Variants in CLMP observed in about 807,000 individuals in gnomAD.
CLMP encodes the protein CXADR-like membrane protein.
In CLMP, 27 loss-of-function variants were observed where a neutral mutation model predicts 45.2. The ratio of observed to expected loss-of-function variants is 0.60; its 90% CI spans 0.44 to 0.82. The LOEUF is 0.82. CLMP is among the 40% of genes least tolerant of loss of function. The pLI is 0.00. For missense variants in CLMP, 403 were observed against 448.4 expected (o/e 0.90, Z 0.91); for synonymous variants, 167 against 171.4 (o/e 0.97, Z 0.20).
At position 123,181,707 on chromosome 11, in the gene CLMP, T is replaced by A. The variant is rs538508644; in HGVS notation, c.28+13206A>T. Among the ~76,000 whole-genome samples, 6 of 152,290 alleles carry A rather than the reference T, an allele frequency of 3.9e-5. No homozygotes were observed. The South Asian group carries it at 1.2e-3, about 32-fold the overall frequency. ...TCTAAGATCCACCCCCAGCTAGCCC[T>A]TTGAGATCCCAGGGAAAACAATACA... On this transcript the variant is annotated intron_variant, in intron 1 of 6. Transcript: ENST00000448775.
chr11:123,091,032 T>C (rs1004715138), intron 2 of CLMP, among the ~76,000 whole-genome samples: 1 of 152,202 alleles, frequency 6.6e-6, no homozygotes, highest in Non-Finnish European at 1.5e-5. Context: ...TCCCAGTATC[T>C]TCAAGGCCTA....
At chr11:123,095,193 C>T (rs558435882) in intron 2 of CLMP, among the ~76,000 whole-genome samples, 4 of 152,160 alleles carry the variant, frequency 2.6e-5, no homozygotes, top group Non-Finnish European at 4.4e-5. Context: ...TCCTTATATT[C>T]ACTTGGCTAT....
At chr11:123,192,030 G>T (rs938833989) in intron 1 of CLMP, among the ~76,000 whole-genome samples, 1 of 152,216 alleles carries the variant, frequency 6.6e-6, no homozygotes, top group Non-Finnish European at 1.5e-5. Flanking sequence ...TGGCATTTGA[G>T]GTGAGACTTG....
chr11:123,125,150 G>C (rs941004287), intron 1 of CLMP, among the ~76,000 whole-genome samples: 1 of 152,018 alleles, frequency 6.6e-6, no homozygotes, highest in Admixed American at 6.6e-5. Flanking sequence ...CGCCTGCCTC[G>C]GCCTCCTACA....
chr11:123,131,604 T>C (rs1860989095), intron 1 of CLMP, among the ~76,000 whole-genome samples: 1 of 148,056 alleles, frequency 6.8e-6, no homozygotes, highest in African/African-American at 2.5e-5. Context: ...TATCTTTCTT[T>C]CTTTTTTCTT....
Position 123,096,132 on chromosome 11 carries a change from G to A in CLMP, c.186+1663C>T, listed in dbSNP as rs187279065. On this transcript the variant is annotated intron_variant, in intron 2 of 6. Coordinates refer to ENST00000448775, the MANE Select transcript of CLMP (RefSeq NM_024769.5). ...AATCCCAGCACTTTGGGAGGCCGAG[G>A]CAGGCCGAACACCTGAGGTCAGGAG... Among the ~76,000 whole-genome samples the A allele has an allele frequency of 2.1e-3, 317 of 152,268 alleles. 1 individual carries two copies. The highest frequency in any genetic ancestry group is 3.4e-3 in the Middle Eastern group (1 of 294).
chr11:123,104,020 G>C (rs1034850852), intron 1 of CLMP, among the ~76,000 whole-genome samples: 1 of 150,914 alleles, frequency 6.6e-6, no homozygotes, highest in Non-Finnish European at 1.5e-5. Flanking sequence ...AGTAGAGACG[G>C]GATTTCACTG....
chr11:123,193,904 T>C (rs1402645705), intron 1 of CLMP, among the ~76,000 whole-genome samples: 1 of 152,176 alleles, frequency 6.6e-6, no homozygotes, highest in African/African-American at 2.4e-5. Flanking sequence ...GTGTTCAGGG[T>C]AGTGCTCACT....
At chr11:123,179,749 C>T (rs573898517) in intron 1 of CLMP, among the ~76,000 whole-genome samples, 1 of 152,186 alleles carries the variant, frequency 6.6e-6, no homozygotes, top group Non-Finnish European at 1.5e-5. Flanking sequence ...TTGGGCTTGC[C>T]GGGGGTTCAA....
chr11:123,115,851 T>C (rs1349064655), intron 1 of CLMP, among the ~76,000 whole-genome samples: 4 of 152,160 alleles, frequency 2.6e-5, no homozygotes, highest in South Asian at 2.1e-4. Context: ...ACAATAAACG[T>C]GTTATCTCAT....
intron 5 of CLMP, among the ~76,000 whole-genome samples, chr11:123,076,550 G>A (rs1865742379): frequency 6.6e-6 from 1 of 152,158 alleles, no homozygotes; most frequent in Non-Finnish European, 1.5e-5. Context: ...CTTTGAGGAG[G>A]TGACATTTGA....
At chr11:123,076,108 G>T (rs1192925482) in intron 5 of CLMP, among the ~76,000 whole-genome samples, 2 of 152,128 alleles carry the variant, frequency 1.3e-5, no homozygotes, top group Non-Finnish European at 2.9e-5. Flanking sequence ...GGGAGGCAGA[G>T]GTTGTAGTGA....
intron 1 of CLMP, among the ~76,000 whole-genome samples, chr11:123,177,903 TG>T (rs1565404731): frequency 6.6e-6 from 1 of 152,176 alleles, no homozygotes; most frequent in Non-Finnish European, 1.5e-5. Context: ...TTGCCCAGGC[TG>T]GAGTCTGGAG....
intron 1 of CLMP, among the ~76,000 whole-genome samples, chr11:123,102,776 C>T (rs1171702230): frequency 1.5e-5 from 2 of 136,836 alleles, no homozygotes; most frequent in Non-Finnish European, 3.0e-5. Flanking sequence ...AGGCTGGTCT[C>T]GAACTCTTGG....
rs1187609760 is a variant in CLMP at position 123,089,504 on chromosome 11, G to A, written c.187-4791C>T. On this transcript the variant is annotated intron_variant, in intron 2 of 6. Transcript: ENST00000448775. The stretch of plus-strand genomic sequence containing the variant: ...AAAATGACCAGGTGCAGTGGCTCAT[G>A]CCTGTAATCCCAGCACTTTGGGAGG... Among the ~76,000 whole-genome samples the A allele has an allele frequency of 2.6e-5, 4 of 152,218 alleles. No individual in the cohort carries two copies. The East Asian group carries it at 5.8e-4, about 22-fold the overall frequency.
chr11:123,082,319 G>T (rs530185541), intron 5 of CLMP, among the ~76,000 whole-genome samples: 2 of 152,062 alleles, frequency 1.3e-5, no homozygotes, highest in African/African-American at 4.8e-5. Context: ...GTGTGTTTTT[G>T]TTTTTTTTGG....
At position 123,073,370 on chromosome 11, in the gene CLMP, T is replaced by G; in HGVS notation, c.*104A>C. 25 of 1,267,596 alleles carry G rather than the reference T, an allele frequency of 2.0e-5. No homozygotes were observed. The highest frequency in any genetic ancestry group is 2.6e-5 in the Non-Finnish European group (24 of 912,282). The allele number at this position is 1,267,596 out of a possible 1,614,324, so 78.5% of individuals were successfully genotyped here. On this transcript the variant is annotated 3_prime_UTR_variant, in exon 7 of 7. Transcript: ENST00000448775. ...CGTGCAATGCTCACTGCTACTTAGA[T>G]GACCTCTCATCTGGTTGTGTGGCTG...
At chr11:123,095,609 C>A (rs879906231) in intron 2 of CLMP, among the ~76,000 whole-genome samples, 1 of 152,046 alleles carries the variant, frequency 6.6e-6, no homozygotes. Context: ...ATTCAAGAGG[C>A]GCCATGGTAA....
chr11:123,141,938 G>A, intron 1 of CLMP, among the ~76,000 whole-genome samples: 1 of 150,962 alleles, frequency 6.6e-6, no homozygotes, highest in Non-Finnish European at 1.5e-5. Flanking sequence ...TACAATCTCT[G>A]GTAGAGCCAG....
Sources: allele counts gnomAD v4.1 joint callset (sites outside exome capture counted in the v4.1 genomes callset), GRCh38; gene constraint gnomAD v4.1.1; transcripts MANE v1.5; gene names NCBI Gene and HGNC (gene_info 2026-07-23, HGNC 2026-07-21).